Variants in PSG7 observed in about 807,000 individuals in gnomAD.
The protein encoded by PSG7 is pregnancy-specific beta-1-glycoprotein 7.
Under a neutral mutation model 45.6 loss-of-function variants are expected in PSG7, and 57 were observed. The observed-to-expected ratio is 1.25, with a 90% CI of 1.01 to 1.56. The LOEUF is 1.56. Among genes scored for constraint, PSG7 ranks in the 40% most tolerant of loss-of-function variants. The pLI, the probability that PSG7 is intolerant of heterozygous loss-of-function variation, is 0.00. For synonymous variants in PSG7, 298 were observed against 194.4 expected (o/e 1.53, Z -4.43); for missense variants, 796 against 508.4 (o/e 1.57, Z -5.44).
chr19:42,933,266 A>ATATATATATATATATAT (rs1973060126), intron 2 of PSG7, among the ~76,000 whole-genome samples: 6 of 15,740 alleles, frequency 3.8e-4, no homozygotes, highest in Admixed American at 2.9e-3. Flanking sequence ...TCACCATTTC[A>ATATATATATATATATAT]ATATATATAT....
Position 42,925,871 on chromosome 19 carries a change from G to C in PSG7, c.1145C>G (p.Pro382Arg), listed in dbSNP as rs141770392. The change falls in exon 5 of 6, where the codon CCC (proline) becomes CGC (arginine). Residue 382 changes from proline (P) to arginine (R), a missense_variant. Transcript: ENST00000406070. Reference sequence around the variant, plus strand: ...CCCGCTATGCTTTGTAGTAATCTGGGGGATAGAAAGCTTTTGTCCTGATAG... The same window carrying C: ...CCCGCTATGCTTTGTAGTAATCTGGCGGATAGAAAGCTTTTGTCCTGATAG... ...FQLSGQKLSI[P>R]QITTKHSGLY... 8.1e-6 allele frequency: 13 copies of C among 1,611,946 alleles called. No homozygotes were observed. The African/African-American group carries it at 1.7e-4, about 22-fold the overall frequency.
intron 2 of PSG7, among the ~76,000 whole-genome samples, chr19:42,932,319 T>G (rs1034822257): frequency 6.6e-6 from 1 of 151,536 alleles, no homozygotes; most frequent in Non-Finnish European, 1.5e-5. Flanking sequence ...TGCCCAGCCA[T>G]CTCTGAGGGA....
intron 2 of PSG7, among the ~76,000 whole-genome samples, chr19:42,933,302 TATATA>T (rs1313652479): frequency 1.3e-3 from 30 of 23,146 alleles, no homozygotes; most frequent in African/African-American, 2.9e-3. Flanking sequence ...TATATATATA[TATATA>T]TTTTTTTTTT....
chr19:42,933,817 C>A lies in PSG7; in HGVS notation c.430+1587G>T, dbSNP rs182333865. ...TGCCCCCATTTCCACAGTCCAGGAC[C>A]AAGGAGCCCTGAGAACCCTCCGTGG... On this transcript the variant is annotated intron_variant, in intron 2 of 5. Coordinates refer to ENST00000406070, the MANE Select transcript of PSG7 (RefSeq NM_002783.3). Among the ~76,000 whole-genome samples the A allele has an allele frequency of 5.4e-4, 81 of 151,130 alleles. 1 individual carries two copies. Among genetic ancestry groups the A allele is most frequent in the Non-Finnish European group, 1.1e-3 (72 of 67,696 alleles).
Position 42,935,611 on chromosome 19 carries a change from G to C in PSG7, c.223C>G (p.Leu75Val), listed in dbSNP as rs782728340. ...ATATATGATGTAACATAATGGTAGA[G>C]GTCCCTGATTTGTCCTTTGTACCAG... ...YIWYKGQIRD[L>V]YHYVTSYIVD... Residue 75 changes from leucine (L) to valine (V), a missense_variant, in exon 2 of 6, where the codon CTC becomes GTC. By Grantham distance (32) the Leu-to-Val change is conservative. Transcript: ENST00000406070. 1 of 1,612,046 alleles carries C rather than the reference G, an allele frequency of 6.2e-7. No homozygotes were observed. The highest frequency in any genetic ancestry group is 1.7e-5 in the Admixed American group (1 of 59,804).
rs1265682339 is a variant in PSG7, at chr19:42,935,432, T to G, written c.402A>C (p.Val134=). The change falls in exon 2 of 6, where the codon GTA becomes GTC. Residue 134 remains valine, a synonymous_variant. Coordinates refer to ENST00000406070, the MANE Select transcript of PSG7 (RefSeq NM_002783.3). The stretch of plus-strand genomic sequence containing the variant: ...ATAAGGTGAAGGTGAAACGTCCAGT[T>G]ACTCCTCCAGTCCCATCACCTCGCT... ...IIKRGDGTGG[V]TGRFTFTLYL... The G allele has an allele frequency of 4.3e-6, 7 of 1,612,024 alleles. 1 individual carries two copies. Among genetic ancestry groups the G allele is most frequent in the Non-Finnish European group, 5.9e-6 (7 of 1,178,876 alleles).
intron 5 of PSG7, chr19:42,925,409 C>T (rs909092043): frequency 1.1e-5 from 5 of 452,018 alleles, no homozygotes; most frequent in Non-Finnish European, 1.9e-5. Flanking sequence ...GTTTATTGAA[C>T]CACTATAAGC....
At chr19:42,934,970 G>C (rs1190255437) in intron 2 of PSG7, among the ~76,000 whole-genome samples, 1 of 151,618 alleles carries the variant, frequency 6.6e-6, no homozygotes, top group African/African-American at 2.4e-5. Flanking sequence ...CCTGGCACAG[G>C]CTCCTCAGCT....
At chr19:42,936,871 A>T (rs1973162855) in intron 1 of PSG7, 142 bp downstream of exon 1, 1 of 1,299,406 alleles carries the variant, frequency 7.7e-7, no homozygotes, top group African/African-American at 1.5e-5. Flanking sequence ...CTGATCTTGA[A>T]CTCCTGATCT....
In PSG7 at chr19:42,925,814, G is replaced by T; in HGVS notation, c.1202C>A (p.Thr401Asn). Residue 401 changes from threonine to asparagine, a missense_variant, in exon 5 of 6, where the codon ACT (threonine) becomes AAT (asparagine). By Grantham distance (65) the Thr-to-Asn change is moderately conservative. Transcript: ENST00000406070. The part of the protein sequence containing the change: ...LYACSVRNSA[T>N]GKESSKSVTV... ...CACGGATTTGGAGCTTTCCTTGCCA[G>T]TGGCTGAGTTACGAACAGAGCAAGC... 2 of 1,612,086 alleles carry T rather than the reference G, an allele frequency of 1.2e-6. No homozygotes were observed. The highest frequency in any genetic ancestry group is 1.7e-6 in the Non-Finnish European group (2 of 1,179,022).
At chr19:42,931,870 G>A (rs1221502464) in intron 2 of PSG7, among the ~76,000 whole-genome samples, 1 of 149,080 alleles carries the variant, frequency 6.7e-6, no homozygotes, top group Non-Finnish European at 1.5e-5. Flanking sequence ...TAAATATGAA[G>A]TTGAAATGTT....
chr19:42,926,145 A>G, intron 4 of PSG7, 118 bp from the exon 5 acceptor site: 1 of 1,489,756 alleles, frequency 6.7e-7, no homozygotes, highest in Non-Finnish European at 9.1e-7. Context: ...TGACAGCCAA[A>G]TCCCCTCTAT....
rs1419553032 is a variant in PSG7 at position 42,937,140 on chromosome 19, C to T, written c.-64G>A. The stretch of plus-strand genomic sequence containing the variant: ...GCCTAGGATCCAGAATCTTCCTGAG[C>T]ACGGCTGTCAGCTGTGCTGTCCTTC... On this transcript the variant is annotated 5_prime_UTR_variant, in exon 1 of 6. Transcript: ENST00000406070. 15 of 1,578,924 alleles carry T rather than the reference C, an allele frequency of 9.5e-6. No homozygotes were observed. Among genetic ancestry groups the T allele is most frequent in the East Asian group, 2.3e-5 (1 of 44,266 alleles).
In PSG7 at chr19:42,933,286, TATATATATATATATATATATA is replaced by T. The variant is rs1460879373; in HGVS notation, c.430+2097_430+2117del. ...ATTTCAATATATATATATATATATA[TATATATATATATATATATATA>T]TTTTTTTTTTTTTTTGGTGTATGTA... On this transcript the variant is annotated intron_variant, in intron 2 of 5. Coordinates refer to ENST00000406070, the MANE Select transcript of PSG7 (RefSeq NM_002783.3). Among the ~76,000 whole-genome samples, 11 of 10,346 alleles carry T rather than the reference TATATATATATATATATATATA, an allele frequency of 1.1e-3. 1 individual carries two copies. The South Asian group carries it at 0.022, about 21-fold the overall frequency. 6.8% of individuals were successfully genotyped at this position (10,346 alleles called of 152,430 possible). A position where few individuals can be genotyped will look rare whatever the true frequency, so the allele number is the denominator to read the frequency against.
chr19:42,926,040 G>C lies in PSG7; in HGVS notation c.989-13C>G, dbSNP rs539061579. On this transcript the variant is annotated splice_polypyrimidine_tract_variant and intron_variant, in intron 4 of 5. Transcript: ENST00000406070. ...AGGTCTGGACCATCTGGAGGAAAGA[G>C]AATAAAGCCACAGGTGATGTTATCC... is the stretch of plus-strand genomic sequence containing the variant. The C allele has an allele frequency of 6.2e-6, 10 of 1,610,120 alleles. No individual in the cohort carries two copies. Among genetic ancestry groups the C allele is most frequent in the South Asian group, 4.4e-5 (4 of 90,356 alleles).
chr19:42,926,089 T>C, intron 4 of PSG7, 62 bp from the exon 5 acceptor site: 8 of 1,585,768 alleles, frequency 5.0e-6, no homozygotes, highest in Admixed American at 1.7e-5. Context: ...GCTCCTGGTC[T>C]CTTAAAGGGA....
At chr19:42,934,126 C>T (rs1245704661) in intron 2 of PSG7, among the ~76,000 whole-genome samples, 4 of 151,406 alleles carry the variant, frequency 2.6e-5, no homozygotes, top group East Asian at 1.9e-4. Context: ...CTCCTTGATC[C>T]TCTCATGACA....
intron 5 of PSG7, 181 bp downstream of exon 5, chr19:42,925,592 G>A (rs972413135): frequency 7.1e-7 from 1 of 1,406,586 alleles, no homozygotes; most frequent in African/African-American, 1.4e-5. Context: ...GAAGATATCA[G>A]CCTGTTTGTT....
chr19:42,935,606 G>C lies in PSG7; in HGVS notation c.228C>G (p.Tyr76Ter). Residue 76 changes from tyrosine (Y) to a stop codon, truncating the protein, a stop_gained, in exon 2 of 6, where the codon TAC (tyrosine) becomes TAG (stop). Transcript: ENST00000406070. LOFTEE classifies it high-confidence loss of function. The part of the protein sequence containing the change: ...IWYKGQIRDL[Y>*]HYVTSYIVDG... ...CTACTATATATGATGTAACATAATGGTAGAGGTCCCTGATTTGTCCTTTGT... is the reference window on the plus strand; with the variant it reads ...CTACTATATATGATGTAACATAATGCTAGAGGTCCCTGATTTGTCCTTTGT... The C allele has an allele frequency of 6.2e-7, 1 of 1,612,024 alleles. No individual in the cohort carries two copies. Among genetic ancestry groups the C allele is most frequent in the Non-Finnish European group, 8.5e-7 (1 of 1,179,084 alleles).
Sources: gnomAD v4.1 joint callset for allele counts (sites outside exome capture counted in the v4.1 genomes callset) on GRCh38, gnomAD v4.1.1 for gene constraint, MANE v1.5 for transcripts, NCBI Gene and HGNC (gene_info 2026-07-23, HGNC 2026-07-21) for gene names.